SPTLC3: variants seen among roughly 807,000 people sequenced by gnomAD.
SPTLC3 encodes serine palmitoyltransferase 3.
SPTLC3 carries 36 observed loss-of-function variants against 59.3 expected under a neutral mutation model. The observed-to-expected ratio is 0.61, with a 90% CI of 0.47 to 0.80. The LOEUF (loss-of-function observed/expected upper bound fraction) is 0.80. Among genes scored for constraint, SPTLC3 ranks in the 30% least tolerant of loss-of-function variants. The probability of loss-of-function intolerance (pLI) is 0.00; values close to 1 mark genes in which losing one functional copy is unlikely to be tolerated. For synonymous variants in SPTLC3, 257 were observed against 240.8 expected, an observed-to-expected ratio of 1.07 and a Z score of -0.62; for missense variants, 625 against 685.1, an observed-to-expected ratio of 0.91 and a Z score of 0.98.
chr20:13,059,718 G>C (rs1166476940), intron 2 of SPTLC3, among the ~76,000 whole-genome samples: 1 of 152,138 alleles, frequency 6.6e-6, no homozygotes, highest in Non-Finnish European at 1.5e-5. Flanking sequence ...CTCCGGTACT[G>C]CCTCCAATAT....
At chr20:13,093,790 C>T (rs970261498) in intron 6 of SPTLC3, among the ~76,000 whole-genome samples, 1 of 152,160 alleles carries the variant, frequency 6.6e-6, no homozygotes, top group African/African-American at 2.4e-5. Context: ...GTAACCCAAA[C>T]ACATTAATGT....
At chr20:13,091,332 TG>T in intron 5 of SPTLC3, 125 bp downstream of exon 5, 1 of 1,255,634 alleles carries the variant, frequency 8.0e-7, no homozygotes. Context: ...CCTAGCACTT[TG>T]GGAGCCCAAG....
chr20:13,089,162 A>C (rs575830933), intron 4 of SPTLC3, among the ~76,000 whole-genome samples: 13 of 152,342 alleles, frequency 8.5e-5, no homozygotes, highest in African/African-American at 3.1e-4. Flanking sequence ...CATACTTTGT[A>C]TAGTAAACTA....
At chr20:13,054,892 T>A (rs1450995013) in intron 2 of SPTLC3, among the ~76,000 whole-genome samples, 2 of 152,034 alleles carry the variant, frequency 1.3e-5, no homozygotes, top group Non-Finnish European at 2.9e-5. Flanking sequence ...GAAAAGAAAG[T>A]GAAGAACTTC....
At chr20:13,149,126 G>A (rs530643717) in intron 9 of SPTLC3, among the ~76,000 whole-genome samples, 2 of 152,196 alleles carry the variant, frequency 1.3e-5, no homozygotes, top group Middle Eastern at 6.8e-3. Context: ...AAATACTTAC[G>A]GAAACTCTCC....
At chr20:13,094,465 C>G (rs1341175744) in intron 6 of SPTLC3, among the ~76,000 whole-genome samples, 1 of 152,144 alleles carries the variant, frequency 6.6e-6, no homozygotes, top group Non-Finnish European at 1.5e-5. Flanking sequence ...TTCCTTACCA[C>G]CTTTCTCTCC....
chr20:13,040,192 T>C (rs1234913580), intron 1 of SPTLC3, among the ~76,000 whole-genome samples: 1 of 152,144 alleles, frequency 6.6e-6, no homozygotes, highest in Non-Finnish European at 1.5e-5. Context: ...TGCCATGTTG[T>C]ATAATTTCCT....
intron 2 of SPTLC3, among the ~76,000 whole-genome samples, chr20:13,071,966 C>T (rs962832634): frequency 1.3e-5 from 2 of 152,168 alleles, no homozygotes; most frequent in African/African-American, 2.4e-5. Context: ...ACATAGACAC[C>T]TGTGTTACCC....
chr20:13,117,425 C>T, intron 7 of SPTLC3, 81 bp from the exon 8 acceptor site: 1 of 1,335,514 alleles, frequency 7.5e-7, no homozygotes, highest in Non-Finnish European at 1.0e-6. Flanking sequence ...GGAAGACTGT[C>T]TAGGATGTAT....
At chr20:13,054,332 GC>G (rs1987627499) in intron 2 of SPTLC3, among the ~76,000 whole-genome samples, 1 of 152,116 alleles carries the variant, frequency 6.6e-6, no homozygotes. Flanking sequence ...AGGACTTCAG[GC>G]AAAGGAATGC....
At chr20:13,108,604 T>C (rs1421709417) in intron 6 of SPTLC3, among the ~76,000 whole-genome samples, 2 of 152,124 alleles carry the variant, frequency 1.3e-5, no homozygotes, top group Non-Finnish European at 2.9e-5. Flanking sequence ...AGACAGAGTC[T>C]CGTTCTGTCA....
rs1258001909 is a variant in SPTLC3, at chr20:13,166,989, C to T, written c.*2122C>T. Reference sequence around the variant, plus strand: ...AGTACAGGGGCAATTTATTACACTGCAATGTACAAAACAAAAGGACCTGTT... The same window carrying T: ...AGTACAGGGGCAATTTATTACACTGTAATGTACAAAACAAAAGGACCTGTT... On this transcript the variant is annotated 3_prime_UTR_variant, in exon 12 of 12. Transcript: ENST00000399002. 6.6e-6 allele frequency: 1 copy of T among 152,176 alleles called. No homozygotes were observed. Among genetic ancestry groups the T allele is most frequent in the Non-Finnish European group, 1.5e-5 (1 of 68,034 alleles). 9.4% of individuals were successfully genotyped at this position (152,176 alleles called of 1,614,324 possible). A position where few individuals can be genotyped will look rare whatever the true frequency, so the allele number is the denominator to read the frequency against.
At chr20:13,150,956 C>T (rs1173483430) in intron 9 of SPTLC3, among the ~76,000 whole-genome samples, 1 of 152,204 alleles carries the variant, frequency 6.6e-6, no homozygotes, top group Non-Finnish European at 1.5e-5. Flanking sequence ...GCTCTCATAA[C>T]ACCAGATAAC....
intron 2 of SPTLC3, among the ~76,000 whole-genome samples, chr20:13,071,817 G>A (rs753172351): frequency 1.3e-5 from 2 of 152,118 alleles, no homozygotes; most frequent in Non-Finnish European, 1.5e-5. Flanking sequence ...AGCCACCCTC[G>A]AGTAGCAGTT....
chr20:13,118,040 A>G (rs1283049847), intron 8 of SPTLC3, among the ~76,000 whole-genome samples: 1 of 152,162 alleles, frequency 6.6e-6, no homozygotes, highest in Non-Finnish European at 1.5e-5. Context: ...CATGGTTTAG[A>G]ATGAATATCC....
intron 10 of SPTLC3, among the ~76,000 whole-genome samples, chr20:13,156,541 T>C (rs1006973909): frequency 1.3e-5 from 2 of 152,216 alleles, no homozygotes; most frequent in African/African-American, 4.8e-5. Context: ...TTCTCATTTA[T>C]AAAACGGGAT....
rs180873768 is a variant in SPTLC3 at position 13,155,682 on chromosome 20, C to T, written c.1415+1544C>T. Among the ~76,000 whole-genome samples the T allele has an allele frequency of 1.0e-3, 159 of 151,708 alleles. No individual in the cohort carries two copies. In the Middle Eastern group the frequency reaches 0.014, roughly 13 times the overall value. On this transcript the variant is annotated intron_variant, in intron 10 of 11. Coordinates refer to ENST00000399002, the MANE Select transcript of SPTLC3 (RefSeq NM_018327.4). Reference sequence around the variant, plus strand: ...TCTACAAAAAATACAAAAAACTAGCCGGGCGTGGTGGTGGGTGCCTGTAGT... The same window carrying T: ...TCTACAAAAAATACAAAAAACTAGCTGGGCGTGGTGGTGGGTGCCTGTAGT...
At chr20:13,117,048 T>C (rs1223653033) in intron 7 of SPTLC3, among the ~76,000 whole-genome samples, 1 of 152,248 alleles carries the variant, frequency 6.6e-6, no homozygotes, top group African/African-American at 2.4e-5. Flanking sequence ...TGTGTCTTTT[T>C]AATTCCCTCT....
chr20:13,094,905 T>C (rs1286220107), intron 6 of SPTLC3, among the ~76,000 whole-genome samples: 1 of 152,182 alleles, frequency 6.6e-6, no homozygotes, highest in Non-Finnish European at 1.5e-5. Flanking sequence ...CTTAATGTCA[T>C]TCAAAATACA....
Sources: gnomAD v4.1 joint callset for allele counts (sites outside exome capture counted in the v4.1 genomes callset) on GRCh38, gnomAD v4.1.1 for gene constraint, MANE v1.5 for transcripts, NCBI Gene and HGNC (gene_info 2026-07-23, HGNC 2026-07-21) for gene names.